Variants in CDYL observed in about 807,000 individuals in gnomAD.
CDYL encodes the protein chromodomain Y like.
CDYL carries 8 observed loss-of-function variants against 47.3 expected under a neutral mutation model. That is an observed-to-expected ratio of 0.17 (90% CI 0.10 to 0.31). The LOEUF (loss-of-function observed/expected upper bound fraction) is 0.31, where lower values mean the gene tolerates loss of function less well. Ranked by LOEUF, CDYL falls within the 10% of genes least tolerant of loss-of-function variation. The pLI is 1.00. For synonymous variants in CDYL, 266 were observed against 265.0 expected (o/e 1.00, Z -0.04); for missense variants, 471 against 701.4 (o/e 0.67, Z 3.71).
intron 1 of CDYL, among the ~76,000 whole-genome samples, chr6:4,854,315 C>T (rs75789821): frequency 0.022 from 3,310 of 152,264 alleles, 128 homozygotes; most frequent in African/African-American, 0.076. Flanking sequence ...TTCCTCAAAA[C>T]TCAGCATCCG....
intron 1 of CDYL, among the ~76,000 whole-genome samples, chr6:4,816,498 C>CTTTTTTTTT (rs1332068497): frequency 7.8e-6 from 1 of 127,646 alleles, no homozygotes; most frequent in African/African-American, 3.0e-5. Flanking sequence ...TTCTTTCTTT[C>CTTTTTTTTT]TTTTTTTTTT....
intron 2 of CDYL, among the ~76,000 whole-genome samples, chr6:4,893,610 T>C (rs1762113947): frequency 6.6e-6 from 1 of 151,956 alleles, no homozygotes. Flanking sequence ...CAAGAATCGC[T>C]TGAACCCAGG....
chr6:4,742,634 C>T (rs532835488), intron 3 of CDYL, among the ~76,000 whole-genome samples: 10 of 152,172 alleles, frequency 6.6e-5, no homozygotes, highest in Admixed American at 5.9e-4. Flanking sequence ...TGGTCCATAG[C>T]AATGATCAAA....
chr6:4,868,870 TACTG>T (rs1176347579), intron 1 of CDYL, among the ~76,000 whole-genome samples: 10 of 152,248 alleles, frequency 6.6e-5, no homozygotes, highest in African/African-American at 2.4e-4. Context: ...ATACTTGAAA[TACTG>T]ACTCTTTTAC....
intron 2 of CDYL, among the ~76,000 whole-genome samples, chr6:4,722,695 G>A (rs573489875): frequency 6.6e-6 from 1 of 152,252 alleles, no homozygotes; most frequent in African/African-American, 2.4e-5. Flanking sequence ...TGACCAACGT[G>A]GTGAAACTCC....
At chr6:4,877,500 T>A (rs138528375) in intron 1 of CDYL, among the ~76,000 whole-genome samples, 14 of 152,342 alleles carry the variant, frequency 9.2e-5, no homozygotes, top group African/African-American at 3.4e-4. Context: ...TTGAATGAAC[T>A]TCTGTGTATA....
chr6:4,877,778 TTC>T (rs1761659621), intron 1 of CDYL, among the ~76,000 whole-genome samples: 1 of 152,244 alleles, frequency 6.6e-6, no homozygotes, highest in African/African-American at 2.4e-5. Context: ...TACTTAGTAC[TTC>T]TTTTTCAAGA....
chr6:4,847,168 G>A (rs1347105146), intron 1 of CDYL, among the ~76,000 whole-genome samples: 1 of 152,186 alleles, frequency 6.6e-6, no homozygotes, highest in Non-Finnish European at 1.5e-5. Context: ...GTGTGTGAGG[G>A]TAGTTGCAAA....
chr6:4,734,819 G>T, exon 3 of CDYL: 1 of 1,614,164 alleles, frequency 6.2e-7, no homozygotes, highest in Non-Finnish European at 8.5e-7. Context: ...GAGCAAAGCG[G>T]GGCACAGCAG....
chr6:4,867,745 G>A (rs1467403250), intron 1 of CDYL, among the ~76,000 whole-genome samples: 3 of 150,054 alleles, frequency 2.0e-5, no homozygotes, highest in African/African-American at 7.3e-5. Flanking sequence ...TGTTTATGAG[G>A]AATATTGTTT....
At chr6:4,833,681 T>C (rs1055662215) in intron 1 of CDYL, among the ~76,000 whole-genome samples, 9 of 151,572 alleles carry the variant, frequency 5.9e-5, no homozygotes, top group Non-Finnish European at 1.2e-4. Context: ...GGTATTAAAG[T>C]CTCCCATTAT....
At chr6:4,806,927 G>A (rs1581179054) in intron 1 of CDYL, among the ~76,000 whole-genome samples, 1 of 152,328 alleles carries the variant, frequency 6.6e-6, no homozygotes, top group East Asian at 1.9e-4. Context: ...TTCTGAGGGT[G>A]CATTCCAAGG....
At chr6:4,861,298 G>A (rs749228940) in intron 1 of CDYL, among the ~76,000 whole-genome samples, 1 of 152,216 alleles carries the variant, frequency 6.6e-6, no homozygotes, top group Non-Finnish European at 1.5e-5. Flanking sequence ...CGTTAACTGT[G>A]GGCATAAGTT....
intron 1 of CDYL, among the ~76,000 whole-genome samples, chr6:4,844,555 C>A (rs1581207101): frequency 6.6e-6 from 1 of 152,326 alleles, no homozygotes; most frequent in East Asian, 1.9e-4. Flanking sequence ...GCAAATTAGT[C>A]CTGCCTTTCT....
chr6:4,804,653 G>A (rs1027151233), intron 1 of CDYL, among the ~76,000 whole-genome samples: 5 of 152,134 alleles, frequency 3.3e-5, no homozygotes, highest in African/African-American at 1.2e-4. Flanking sequence ...CTAGACCCTG[G>A]CACTGTTTTT....
intron 1 of CDYL, among the ~76,000 whole-genome samples, chr6:4,711,936 G>C (rs7746640): frequency 0.012 from 1,817 of 152,230 alleles, 45 homozygotes; most frequent in African/African-American, 0.042. Flanking sequence ...GTGGTGGTAT[G>C]CACCTGTAGA....
At chr6:4,887,237 A>G (rs1261793400) in intron 1 of CDYL, among the ~76,000 whole-genome samples, 1 of 150,058 alleles carries the variant, frequency 6.7e-6, no homozygotes, top group Non-Finnish European at 1.5e-5. Flanking sequence ...TACAAAGAAA[A>G]CAACTTTAAT....
intron 1 of CDYL, among the ~76,000 whole-genome samples, chr6:4,828,777 C>A (rs1760053334): frequency 6.6e-6 from 1 of 152,150 alleles, no homozygotes; most frequent in Non-Finnish European, 1.5e-5. Context: ...TGCTAGCCTA[C>A]TAGGCTCTGT....
intron 1 of CDYL, among the ~76,000 whole-genome samples, chr6:4,870,910 T>C (rs1270593135): frequency 1.3e-5 from 2 of 152,240 alleles, no homozygotes; most frequent in East Asian, 3.8e-4. Context: ...TTAAACATGG[T>C]TTTAAAAAAT....
Sources: gnomAD v4.1 joint callset for allele counts (sites outside exome capture counted in the v4.1 genomes callset) on GRCh38, gnomAD v4.1.1 for gene constraint, MANE v1.5 for transcripts, NCBI Gene and HGNC (gene_info 2026-07-23, HGNC 2026-07-21) for gene names.